Variants in FAM193A observed in about 807,000 individuals in gnomAD.
The protein encoded by FAM193A is protein FAM193A.
Under a neutral mutation model 126.5 loss-of-function variants are expected in FAM193A, and 22 were observed. That is an observed-to-expected ratio of 0.17 (90% CI 0.12 to 0.25). The LOEUF is 0.25. Among genes scored for constraint, FAM193A ranks in the 10% least tolerant of loss-of-function variants. The pLI is 1.00. For missense variants in FAM193A, 1,675 were observed against 1,672.8 expected, an observed-to-expected ratio of 1.00 and a Z score of -0.02; for synonymous variants, 761 against 646.8, an observed-to-expected ratio of 1.18 and a Z score of -2.68.
At chr4:2,611,659 G>T (rs1577072847) in intron 2 of FAM193A, among the ~76,000 whole-genome samples, 1 of 152,058 alleles carries the variant, frequency 6.6e-6, no homozygotes, top group African/African-American at 2.4e-5. Context: ...TGGCTGTTCA[G>T]ATCTTCTGCT....
intron 20 of FAM193A, among the ~76,000 whole-genome samples, chr4:2,728,950 C>T (rs544072446): frequency 2.3e-5 from 3 of 129,472 alleles, no homozygotes; most frequent in East Asian, 2.1e-4. Flanking sequence ...TGGTTCTGTC[C>T]GTCCAGGCCG....
intron 1 of FAM193A, among the ~76,000 whole-genome samples, chr4:2,556,969 C>T (rs1314971111): frequency 6.6e-6 from 1 of 151,972 alleles, no homozygotes; most frequent in African/African-American, 2.4e-5. Context: ...GAAAAGTCAC[C>T]AAGATAGTAC....
At chr4:2,672,716 C>G (rs1713960461) in intron 13 of FAM193A, among the ~76,000 whole-genome samples, 1 of 152,214 alleles carries the variant, frequency 6.6e-6, no homozygotes, top group Admixed American at 6.5e-5. Context: ...AGGGCTTGCT[C>G]TTCTTCTTAA....
intron 2 of FAM193A, among the ~76,000 whole-genome samples, chr4:2,601,686 C>T (rs1277685764): frequency 6.7e-6 from 1 of 150,270 alleles, no homozygotes; most frequent in African/African-American, 2.4e-5. Flanking sequence ...GCCAGGAGTT[C>T]AAGACCAACC....
intron 1 of FAM193A, among the ~76,000 whole-genome samples, chr4:2,569,410 G>T (rs905402440): frequency 1.3e-5 from 2 of 152,126 alleles, no homozygotes; most frequent in Non-Finnish European, 2.9e-5. Flanking sequence ...CAGCCCAAAG[G>T]TAGTTTATCG....
At chr4:2,717,799 G>A (rs1186730649) in intron 20 of FAM193A, among the ~76,000 whole-genome samples, 4 of 150,516 alleles carry the variant, frequency 2.7e-5, no homozygotes, top group East Asian at 1.9e-4. Context: ...GATTACAGGC[G>A]CCTGCCACCA....
At chr4:2,587,511 G>C (rs1358429891) in intron 1 of FAM193A, among the ~76,000 whole-genome samples, 1 of 152,112 alleles carries the variant, frequency 6.6e-6, no homozygotes, top group Admixed American at 6.6e-5. Flanking sequence ...TGGCGACCTA[G>C]CAAAACCTCG....
chr4:2,552,109 T>G (rs1311259388), intron 1 of FAM193A, among the ~76,000 whole-genome samples: 1 of 151,470 alleles, frequency 6.6e-6, no homozygotes, highest in South Asian at 2.1e-4. Context: ...CCTCCTGGGT[T>G]TACGCCATTC....
chr4:2,642,002 C>A (rs749319021), intron 6 of FAM193A, among the ~76,000 whole-genome samples: 1 of 149,872 alleles, frequency 6.7e-6, no homozygotes, highest in Non-Finnish European at 1.5e-5. Context: ...TTTGGGAGGT[C>A]GAGGCGGGCC....
At chr4:2,626,103 C>T (rs1005955242) in intron 3 of FAM193A, among the ~76,000 whole-genome samples, 4 of 152,124 alleles carry the variant, frequency 2.6e-5, no homozygotes, top group African/African-American at 9.7e-5. Flanking sequence ...AGGGTGGGGG[C>T]AAAGCTGCCC....
intron 19 of FAM193A, among the ~76,000 whole-genome samples, chr4:2,703,600 A>C (rs1717978627): frequency 6.6e-6 from 1 of 151,912 alleles, no homozygotes; most frequent in Non-Finnish European, 1.5e-5. Flanking sequence ...ACTTGTGTGC[A>C]TATGTGTTTC....
At chr4:2,553,023 A>G (rs1010049107) in intron 1 of FAM193A, among the ~76,000 whole-genome samples, 1 of 150,892 alleles carries the variant, frequency 6.6e-6, no homozygotes, top group Non-Finnish European at 1.5e-5. Flanking sequence ...AATTTTTTGT[A>G]TTTTAGTGGA....
intron 1 of FAM193A, among the ~76,000 whole-genome samples, chr4:2,588,175 A>G (rs944199324): frequency 6.6e-6 from 1 of 151,912 alleles, no homozygotes. Context: ...CCTGCTCCGC[A>G]TTGACGGAGC....
chr4:2,605,291 A>G (rs1418789798), intron 2 of FAM193A, among the ~76,000 whole-genome samples: 1 of 152,144 alleles, frequency 6.6e-6, no homozygotes, highest in Non-Finnish European at 1.5e-5. Flanking sequence ...GGCTGCTCCT[A>G]GTCCTCACTC....
chr4:2,610,809 C>T (rs1439652743), intron 2 of FAM193A, among the ~76,000 whole-genome samples: 1 of 152,016 alleles, frequency 6.6e-6, no homozygotes, highest in Non-Finnish European at 1.5e-5. Context: ...GCGATCTCGG[C>T]TCACCGCAGC....
At chr4:2,720,374 G>A (rs1415856457) in intron 20 of FAM193A, among the ~76,000 whole-genome samples, 1 of 152,078 alleles carries the variant, frequency 6.6e-6, no homozygotes, top group Non-Finnish European at 1.5e-5. Context: ...TTTTTAAACA[G>A]AGCACGGTGG....
chr4:2,585,276 T>C lies in FAM193A; in HGVS notation c.256-10808T>C, dbSNP rs554205587. On this transcript the variant is annotated intron_variant, in intron 1 of 20. Coordinates refer to ENST00000637812, the MANE Select transcript of FAM193A (RefSeq NM_001366318.2). ...GAATTACTGGGTCATAGTCTACATG[T>C]ATTTTCACAGTCTTCATGTAATGCC... Among the ~76,000 whole-genome samples the C allele has an allele frequency of 1.1e-4, 17 of 152,344 alleles. No individual in the cohort carries two copies. The South Asian group carries it at 2.9e-3, about 26-fold the overall frequency.
chr4:2,564,204 C>T (rs1330387996), intron 1 of FAM193A, among the ~76,000 whole-genome samples: 1 of 152,092 alleles, frequency 6.6e-6, no homozygotes, highest in Non-Finnish European at 1.5e-5. Context: ...ATCTCAGCCT[C>T]CTGAGTAGGT....
At chr4:2,683,672 T>C (rs1457258431) in intron 13 of FAM193A, among the ~76,000 whole-genome samples, 1 of 152,246 alleles carries the variant, frequency 6.6e-6, no homozygotes, top group Non-Finnish European at 1.5e-5. Flanking sequence ...TTTATTCCAC[T>C]TGATGTTCTC....
Sources: gnomAD v4.1 joint callset for allele counts (sites outside exome capture counted in the v4.1 genomes callset) on GRCh38, gnomAD v4.1.1 for gene constraint, MANE v1.5 for transcripts, NCBI Gene and HGNC (gene_info 2026-07-23, HGNC 2026-07-21) for gene names.